SBF2: variants seen among roughly 807,000 people sequenced by gnomAD.
SBF2 encodes myotubularin-related protein 13.
In SBF2, 112 loss-of-function variants were observed where a neutral mutation model predicts 225.2. That is an observed-to-expected ratio of 0.50 (90% CI 0.43 to 0.58). The LOEUF (loss-of-function observed/expected upper bound fraction) is 0.58. Ranked by LOEUF, SBF2 falls within the 20% of genes least tolerant of loss-of-function variation. The pLI is 0.00. For synonymous variants in SBF2, 763 were observed against 773.3 expected (o/e 0.99, Z 0.22); for missense variants, 1,996 against 2,206.2 (o/e 0.90, Z 1.91).
intron 17 of SBF2, among the ~76,000 whole-genome samples, chr11:9,880,223 G>A (rs1859645475): frequency 1.3e-5 from 2 of 152,030 alleles, no homozygotes; most frequent in South Asian, 4.1e-4. Context: ...CTAAAAGCTG[G>A]AGGTTGTGAA....
chr11:10,235,878 A>G (rs1959051928), intron 1 of SBF2, among the ~76,000 whole-genome samples: 1 of 152,148 alleles, frequency 6.6e-6, no homozygotes, highest in East Asian at 1.9e-4. Flanking sequence ...TACCAGCCTA[A>G]GCAACATAGT....
rs1362692538 is a variant in SBF2, at chr11:9,846,975, A to G, written c.2915T>C (p.Ile972Thr). Residue 972 changes from isoleucine to threonine, a missense_variant, in exon 23 of 40, where the codon ATC (isoleucine) becomes ACC (threonine). Ile to Thr is a moderately conservative substitution (Grantham distance 89). Coordinates refer to ENST00000256190, the MANE Select transcript of SBF2 (RefSeq NM_030962.4). ...TAATACCTGAAAAGATGCTGATGTGATCTGCAGTCCTTCTTGCATGTTCTG... is the reference window on the plus strand; with the variant it reads ...TAATACCTGAAAAGATGCTGATGTGGTCTGCAGTCCTTCTTGCATGTTCTG... ...LQQNMQEGLQ[I>T]TSASFQLIKV... The G allele has an allele frequency of 6.2e-7, 1 of 1,613,734 alleles. No individual in the cohort carries two copies. The highest frequency in any genetic ancestry group is 2.2e-5 in the East Asian group (1 of 44,892).
At chr11:9,959,842 G>T in intron 16 of SBF2, 1 of 549,500 alleles carries the variant, frequency 1.8e-6, no homozygotes, top group South Asian at 1.5e-5. Flanking sequence ...GGCTGCGAGA[G>T]TGAGGAGAGG....
chr11:9,851,020 C>T (rs1294026787), intron 21 of SBF2, among the ~76,000 whole-genome samples: 1 of 151,816 alleles, frequency 6.6e-6, no homozygotes, highest in African/African-American at 2.4e-5. Context: ...CCTGTAATCT[C>T]AGCTACTCAG....
chr11:9,942,526 T>C (rs1365237930), intron 16 of SBF2, among the ~76,000 whole-genome samples: 1 of 152,192 alleles, frequency 6.6e-6, no homozygotes, highest in Non-Finnish European at 1.5e-5. Context: ...TAAAATGATA[T>C]GGAAACACAA....
chr11:9,782,383 CATT>C (rs1425525726), intron 38 of SBF2, among the ~76,000 whole-genome samples: 2 of 151,864 alleles, frequency 1.3e-5, no homozygotes, highest in African/African-American at 4.8e-5. Context: ...TGATCAACCT[CATT>C]AATCAAAGAA....
Position 10,290,549 on chromosome 11 carries a change from G to A in SBF2, c.55+3466C>T, listed in dbSNP as rs575621738. On this transcript the variant is annotated intron_variant, in intron 1 of 39. Coordinates refer to ENST00000256190, the MANE Select transcript of SBF2 (RefSeq NM_030962.4). ...AGATCCAGACTGGGGTAGGGGGATGGAGGAGATGGAATGAAGAATCCAAGT... is the reference window on the plus strand; with the variant it reads ...AGATCCAGACTGGGGTAGGGGGATGAAGGAGATGGAATGAAGAATCCAAGT... 2.0e-5 allele frequency among the ~76,000 whole-genome samples: 3 copies of A among 152,246 alleles called. No homozygotes were observed. In the East Asian group the frequency reaches 5.8e-4, roughly 29 times the overall value.
At chr11:9,979,819 T>C (rs1946861466) in intron 13 of SBF2, among the ~76,000 whole-genome samples, 1 of 151,456 alleles carries the variant, frequency 6.6e-6, no homozygotes. Context: ...TCTTTTTTTT[T>C]TTTTTTTTGA....
At chr11:10,173,352 C>T (rs181422992) in intron 2 of SBF2, among the ~76,000 whole-genome samples, 51 of 152,300 alleles carry the variant, frequency 3.3e-4, no homozygotes, top group Admixed American at 2.2e-3. Flanking sequence ...ACTCGGGAAG[C>T]GCAAGGGGTC....
chr11:10,000,612 A>G (rs1219261761), intron 8 of SBF2, among the ~76,000 whole-genome samples: 1 of 152,222 alleles, frequency 6.6e-6, no homozygotes, highest in Admixed American at 6.5e-5. Flanking sequence ...TTATGCACTA[A>G]TATCAAAAGT....
At chr11:10,255,444 A>G (rs1960786691) in intron 1 of SBF2, among the ~76,000 whole-genome samples, 1 of 152,238 alleles carries the variant, frequency 6.6e-6, no homozygotes, top group Non-Finnish European at 1.5e-5. Context: ...GGTTATAAAT[A>G]TTTGAAATAT....
chr11:10,289,164 G>T (rs1963998131), intron 1 of SBF2, among the ~76,000 whole-genome samples: 1 of 152,236 alleles, frequency 6.6e-6, no homozygotes, highest in Non-Finnish European at 1.5e-5. Flanking sequence ...CCCTGGCTTG[G>T]CCCCAACCCC....
chr11:9,853,570 G>A lies in SBF2; in HGVS notation c.2506C>T (p.His836Tyr). 1 of 1,613,950 alleles carries A rather than the reference G, an allele frequency of 6.2e-7. No individual in the cohort carries two copies. The highest frequency in any genetic ancestry group is 8.5e-7 in the Non-Finnish European group (1 of 1,179,908). Residue 836 changes from histidine to tyrosine, a missense_variant, in exon 20 of 40, where the codon CAC becomes TAC. His to Tyr is a moderately conservative substitution (Grantham distance 83, BLOSUM62 2). Transcript: ENST00000256190. ...ATCATGCAATGAAGGCTCTTGATGT[G>A]ATCCTGAGTAACTCCACTCTCTGTA... ...VCTESGVTQDHIKSLHCMIPG... is the reference protein window; with the variant it reads ...VCTESGVTQDYIKSLHCMIPG...
chr11:10,185,467 T>C (rs774974808), intron 2 of SBF2, among the ~76,000 whole-genome samples: 1 of 152,176 alleles, frequency 6.6e-6, no homozygotes, highest in Non-Finnish European at 1.5e-5. Flanking sequence ...TTGGGGCTTT[T>C]TTTAGAGTTG....
At chr11:9,925,961 G>A (rs987211777) in intron 16 of SBF2, among the ~76,000 whole-genome samples, 4 of 109,584 alleles carry the variant, frequency 3.7e-5, no homozygotes, top group Admixed American at 2.5e-4. Context: ...GAACCAACGT[G>A]ATAACGTTTT....
intron 1 of SBF2, among the ~76,000 whole-genome samples, chr11:10,223,957 T>G (rs1194472125): frequency 1.3e-5 from 2 of 152,144 alleles, no homozygotes; most frequent in African/African-American, 4.8e-5. Context: ...TATGCAGTTT[T>G]AATACTGTAT....
At chr11:9,784,727 T>C (rs999785771) in intron 37 of SBF2, among the ~76,000 whole-genome samples, 2 of 152,130 alleles carry the variant, frequency 1.3e-5, no homozygotes, top group Admixed American at 6.5e-5. Context: ...AGGAAGTGGA[T>C]AGAAGATACT....
At chr11:9,919,542 G>C (rs1258922351) in intron 16 of SBF2, among the ~76,000 whole-genome samples, 2 of 151,978 alleles carry the variant, frequency 1.3e-5, no homozygotes, top group Non-Finnish European at 1.5e-5. Flanking sequence ...GGGGGTACGT[G>C]ACTGGGGGCT....
chr11:10,193,805 A>G, intron 2 of SBF2, 97 bp downstream of exon 2: 1 of 863,944 alleles, frequency 1.2e-6, no homozygotes, highest in Non-Finnish European at 1.9e-6. Flanking sequence ...TTAAATTATC[A>G]AATTATTTAA....
Sources: allele counts gnomAD v4.1 joint callset (sites outside exome capture counted in the v4.1 genomes callset), GRCh38; gene constraint gnomAD v4.1.1; transcripts MANE v1.5; gene names NCBI Gene and HGNC (gene_info 2026-07-23, HGNC 2026-07-21).